Variants in CANX observed in about 807,000 individuals in gnomAD.
The protein encoded by CANX is epididymis secretory sperm binding protein.
In CANX, 14 loss-of-function variants were observed where a neutral mutation model predicts 75.7. The ratio of observed to expected loss-of-function variants is 0.19; its 90% confidence interval spans 0.12 to 0.29. The LOEUF is 0.29. Among genes scored for constraint, CANX ranks in the 10% least tolerant of loss-of-function variants. CANX has a pLI of 1.00. For missense variants in CANX, 567 were observed against 713.2 expected (o/e 0.79, Z 2.34); for synonymous variants, 227 against 236.9 (o/e 0.96, Z 0.38).
exon 1 of CANX, chr5:179,678,704 T>C (rs2127760178): frequency 6.5e-7 from 1 of 1,536,952 alleles, no homozygotes; most frequent in Admixed American, 2.0e-5. Flanking sequence ...GGGGTTGCGC[T>C]GCTTCTCCAG....
intron 7 of CANX, among the ~76,000 whole-genome samples, chr5:179,712,785 G>C (rs763333910): frequency 6.6e-6 from 1 of 151,444 alleles, no homozygotes; most frequent in Non-Finnish European, 1.5e-5. Flanking sequence ...GTGCAGTGGC[G>C]TGATCTTGGC....
intron 1 of CANX, chr5:179,679,347 CCTGCAGCTACGG>C: frequency 8.3e-7 from 1 of 1,199,402 alleles, no homozygotes; most frequent in Non-Finnish European, 1.1e-6. Flanking sequence ...ATGTCTTAGC[CCTGCAGCTACGG>C]CTGCGGCTGT....
chr5:179,724,895 T>A, intron 13 of CANX, 112 bp downstream of exon 13: 1 of 1,393,576 alleles, frequency 7.2e-7, no homozygotes, highest in Non-Finnish European at 9.6e-7. Flanking sequence ...CTCAAGCCTG[T>A]AATCCTAGCA....
intron 8 of CANX, 101 bp from the exon 9 acceptor site, chr5:179,719,567 G>A (rs946064450): frequency 1.8e-6 from 1 of 544,126 alleles, no homozygotes; most frequent in South Asian, 3.2e-5. Flanking sequence ...TAAATTTTGA[G>A]ATTAAAAACA....
At chr5:179,694,785 TC>T, upstream of CANX, 1 of 323,968 alleles carries the variant, frequency 3.1e-6, no homozygotes, top group African/African-American at 2.8e-5. Flanking sequence ...TGTTTATCTG[TC>T]AAAAAAAAAA....
intron 1 of CANX, among the ~76,000 whole-genome samples, chr5:179,702,824 G>A (rs1156872427): frequency 6.6e-6 from 1 of 151,950 alleles, no homozygotes; most frequent in African/African-American, 2.4e-5. Flanking sequence ...CTGCAGTGCA[G>A]TGGCGTGATT....
chr5:179,694,798 A>ATT, upstream of CANX: 2 of 542,424 alleles, frequency 3.7e-6, no homozygotes, highest in Non-Finnish European at 6.6e-6. Flanking sequence ...AAAAAAAAAA[A>ATT]GTAAATGGAT....
chr5:179,728,281 C>G (rs1428847999), intron 14 of CANX, among the ~76,000 whole-genome samples: 2 of 152,126 alleles, frequency 1.3e-5, no homozygotes, highest in African/African-American at 4.8e-5. Context: ...GTGCCATAGG[C>G]CAGTAGATTG....
At chr5:179,679,096 C>A (rs1250515858) in intron 1 of CANX, 1 of 1,535,810 alleles carries the variant, frequency 6.5e-7, no homozygotes, top group Non-Finnish European at 8.7e-7. Flanking sequence ...GCGTCTGCCA[C>A]AGGCGGCTGG....
intron 1 of CANX, among the ~76,000 whole-genome samples, chr5:179,682,471 G>A (rs1223810799): frequency 6.6e-6 from 1 of 152,006 alleles, no homozygotes; most frequent in Non-Finnish European, 1.5e-5. Flanking sequence ...AGCACCTTGG[G>A]AGGCCGAGGC....
intron 9 of CANX, 131 bp from the exon 10 acceptor site, chr5:179,720,273 A>T (rs1434356369): frequency 9.7e-6 from 5 of 515,216 alleles, no homozygotes; most frequent in Non-Finnish European, 1.7e-5. Flanking sequence ...TTATTACTGG[A>T]AATACAGGAG....
chr5:179,719,298 G>T (rs550821682), intron 8 of CANX, among the ~76,000 whole-genome samples: 1 of 152,220 alleles, frequency 6.6e-6, no homozygotes, highest in East Asian at 1.9e-4. Flanking sequence ...TTTTATTAGA[G>T]CCAACTTGGT....
intron 7 of CANX, among the ~76,000 whole-genome samples, chr5:179,710,495 C>T (rs1330183915): frequency 6.8e-6 from 1 of 147,326 alleles, no homozygotes; most frequent in Admixed American, 6.8e-5. Flanking sequence ...ATCACAAGGT[C>T]AGGAGATCGA....
At chr5:179,688,903 C>T (rs1403209947) in intron 1 of CANX, among the ~76,000 whole-genome samples, 1 of 151,060 alleles carries the variant, frequency 6.6e-6, no homozygotes, top group Non-Finnish European at 1.5e-5. Context: ...GAGCCATGAT[C>T]GTACCACTGC....
Position 179,722,801 on chromosome 5 carries a change from TAGGGA to T in CANX, c.1183-1_1186del. The T allele has an allele frequency of 6.3e-7, 1 of 1,589,028 alleles. No individual in the cohort carries two copies. Among genetic ancestry groups the T allele is most frequent in the Non-Finnish European group, 8.6e-7 (1 of 1,161,090 alleles). Reference sequence around the variant, plus strand: ...TGATTTTCTGAAACATTTTTTTTTCTAGGGAATCTGGAAACCCAGGAAAATACCAA... The same window carrying T: ...TGATTTTCTGAAACATTTTTTTTTCTATCTGGAAACCCAGGAAAATACCAA... On this transcript the variant is annotated splice_acceptor_variant and coding_sequence_variant, in exon 11 of 15. Transcript: ENST00000247461. LOFTEE classifies it high-confidence loss of function.
intron 8 of CANX, 96 bp from the exon 9 acceptor site, chr5:179,719,572 A>G: frequency 1.7e-6 from 1 of 577,770 alleles, no homozygotes; most frequent in South Asian, 3.0e-5. Context: ...TTTGAGATTA[A>G]AAACAAATTT....
chr5:179,716,427 A>G (rs1005712619), intron 8 of CANX, 133 bp downstream of exon 8: 1 of 651,590 alleles, frequency 1.5e-6, no homozygotes, highest in African/African-American at 1.8e-5. Flanking sequence ...CTGTAGGGAA[A>G]ATATAGAGTA....
upstream of CANX, chr5:179,698,917 AG>A: frequency 1.7e-6 from 2 of 1,154,916 alleles, no homozygotes; most frequent in Non-Finnish European, 2.2e-6. Flanking sequence ...CTCAGGGGCC[AG>A]GGGCGGGCAC....
chr5:179,682,164 A>C lies in CANX; in HGVS notation c.-4+3387A>C, dbSNP rs879895563. On this transcript the variant is annotated intron_variant, in intron 1 of 14. Transcript: ENST00000681674. ...CTACTCAGGAGTCTGAGGCAGGAGA[A>C]TTGCTTGAACCTGGGAGGCAGAGGT... is the stretch of plus-strand genomic sequence containing the variant. Among the ~76,000 whole-genome samples, 22 of 150,864 alleles carry C rather than the reference A, an allele frequency of 1.5e-4. 1 individual carries two copies. Among genetic ancestry groups the C allele is most frequent in the Admixed American group, 4.7e-4 (7 of 15,030 alleles).
Sources: gnomAD v4.1 joint callset for allele counts (sites outside exome capture counted in the v4.1 genomes callset) on GRCh38, gnomAD v4.1.1 for gene constraint, MANE v1.5 for transcripts, NCBI Gene and HGNC (gene_info 2026-07-23, HGNC 2026-07-21) for gene names.